Variants in CDH8 observed in about 807,000 individuals in gnomAD.
CDH8 encodes cadherin-8.
CDH8 carries 17 observed loss-of-function variants against 68.1 expected under a neutral mutation model. That is an observed-to-expected ratio of 0.25 (90% CI 0.17 to 0.37). The LOEUF is 0.37. CDH8 is among the 10% of genes least tolerant of loss of function. The pLI is 1.00. For synonymous variants in CDH8, 372 were observed against 365.1 expected, an observed-to-expected ratio of 1.02 and a Z score of -0.21; for missense variants, 763 against 999.3, an observed-to-expected ratio of 0.76 and a Z score of 3.19.
In CDH8 at chr16:61,649,234, T is replaced by C. The variant is rs1963269135; in HGVS notation, c.*4374A>G. The C allele has an allele frequency of 6.6e-6, 1 of 151,956 alleles. No homozygotes were observed. Among genetic ancestry groups the C allele is most frequent in the East Asian group, 1.9e-4 (1 of 5,168 alleles). 9.4% of individuals were successfully genotyped at this position (151,956 alleles called of 1,614,324 possible). A position where few individuals can be genotyped will look rare whatever the true frequency, so the allele number is the denominator to read the frequency against. ...CCAGGTATTATGAGCCATTATTCTG[T>C]TCACAAATAAAAAGCTGCTTTTAAA... On this transcript the variant is annotated 3_prime_UTR_variant, in exon 12 of 12. Transcript: ENST00000577390.
intron 3 of CDH8, among the ~76,000 whole-genome samples, chr16:61,881,909 T>C (rs141122384): frequency 6.6e-6 from 1 of 152,210 alleles, no homozygotes; most frequent in African/African-American, 2.4e-5. Context: ...TAAGCTGTCC[T>C]AAGCCTAATC....
At chr16:61,981,472 C>T (rs1428967265) in intron 2 of CDH8, among the ~76,000 whole-genome samples, 1 of 152,092 alleles carries the variant, frequency 6.6e-6, no homozygotes, top group Admixed American at 6.5e-5. Context: ...CTATACTCAC[C>T]ATCAATTAAA....
intron 7 of CDH8, among the ~76,000 whole-genome samples, chr16:61,795,693 G>A (rs1961481481): frequency 6.6e-6 from 1 of 152,096 alleles, no homozygotes; most frequent in African/African-American, 2.4e-5. Context: ...CTAGTCACAT[G>A]TTTTAGTAGC....
chr16:61,968,040 C>A (rs780191367), intron 2 of CDH8, among the ~76,000 whole-genome samples: 25 of 152,110 alleles, frequency 1.6e-4, no homozygotes, highest in Non-Finnish European at 3.1e-4. Flanking sequence ...GAACTCCTGA[C>A]CTTGGGCGAT....
chr16:61,739,895 A>G (rs1380594057), intron 8 of CDH8, among the ~76,000 whole-genome samples: 1 of 94,762 alleles, frequency 1.1e-5, no homozygotes. Context: ...ATATATATAT[A>G]TATATATATA....
intron 3 of CDH8, among the ~76,000 whole-genome samples, chr16:61,890,466 A>C (rs1307348157): frequency 6.6e-6 from 1 of 152,094 alleles, no homozygotes; most frequent in Non-Finnish European, 1.5e-5. Flanking sequence ...TAATCTTAAT[A>C]AATCTGAAAC....
At chr16:61,916,829 G>A (rs1306614798) in intron 2 of CDH8, among the ~76,000 whole-genome samples, 4 of 152,096 alleles carry the variant, frequency 2.6e-5, no homozygotes, top group Admixed American at 2.0e-4. Flanking sequence ...TGGGGGACAC[G>A]TTATTAATGT....
intron 2 of CDH8, among the ~76,000 whole-genome samples, chr16:61,924,115 C>G (rs1964419027): frequency 6.6e-6 from 1 of 151,750 alleles, no homozygotes; most frequent in South Asian, 2.1e-4. Flanking sequence ...AAAGTTATTC[C>G]TTTCTGTGGT....
chr16:61,784,452 C>T, intron 8 of CDH8, among the ~76,000 whole-genome samples: 1 of 149,896 alleles, frequency 6.7e-6, no homozygotes, highest in East Asian at 1.9e-4. Context: ...CCTGAGTGAC[C>T]TACAAAGAGA....
At chr16:61,820,819 C>A in intron 6 of CDH8, 107 bp downstream of exon 6, 1 of 877,992 alleles carries the variant, frequency 1.1e-6, no homozygotes. Context: ...AAGCTAAACA[C>A]CTACCAGCTG....
chr16:61,998,187 G>C lies in CDH8; in HGVS notation c.252+22965C>G, dbSNP rs527335771. Among the ~76,000 whole-genome samples, 5 of 152,258 alleles carry C rather than the reference G, an allele frequency of 3.3e-5. No homozygotes were observed. The East Asian group carries it at 9.6e-4, about 29-fold the overall frequency. ...ATGCATGAAAAGATAATTAGGAAAT[G>C]ATAAAATGAATGAAGCAAAATTAAA... On this transcript the variant is annotated intron_variant, in intron 2 of 11. Coordinates refer to ENST00000577390, the MANE Select transcript of CDH8 (RefSeq NM_001796.5).
chr16:61,726,712 T>C (rs979933400), intron 9 of CDH8: 10 of 297,396 alleles, frequency 3.4e-5, no homozygotes, highest in Non-Finnish European at 4.9e-5. Flanking sequence ...TTGGTATTCA[T>C]ATGTTTGCTG....
At chr16:61,762,355 TAG>T (rs1320046274) in intron 8 of CDH8, among the ~76,000 whole-genome samples, 1 of 152,152 alleles carries the variant, frequency 6.6e-6, no homozygotes, top group Non-Finnish European at 1.5e-5. Context: ...AAAGGATAAA[TAG>T]AGTCTCTCTG....
At chr16:61,888,744 A>G (rs761905360) in intron 3 of CDH8, among the ~76,000 whole-genome samples, 1 of 152,180 alleles carries the variant, frequency 6.6e-6, no homozygotes, top group Admixed American at 6.5e-5. Flanking sequence ...AGCTGATAAC[A>G]TCACTTTGGA....
At chr16:61,944,053 G>A (rs1313587282) in intron 2 of CDH8, among the ~76,000 whole-genome samples, 1 of 152,180 alleles carries the variant, frequency 6.6e-6, no homozygotes, top group Non-Finnish European at 1.5e-5. Context: ...CAGCTTCCCT[G>A]AATAGGAGTT....
chr16:61,994,757 A>G (rs1180378188), intron 2 of CDH8, among the ~76,000 whole-genome samples: 3 of 57,592 alleles, frequency 5.2e-5, no homozygotes, highest in African/African-American at 1.2e-4. Flanking sequence ...GCTTTAACAA[A>G]TCCTCCTACA....
intron 2 of CDH8, among the ~76,000 whole-genome samples, chr16:61,972,569 T>TGGTG (rs1555525994): frequency 2.0e-5 from 2 of 98,126 alleles, no homozygotes; most frequent in Non-Finnish European, 4.1e-5. Flanking sequence ...GAACACATTG[T>TGGTG]GGGTGTGTGT....
At chr16:61,981,227 A>G (rs1965523509) in intron 2 of CDH8, among the ~76,000 whole-genome samples, 1 of 152,226 alleles carries the variant, frequency 6.6e-6, no homozygotes, top group South Asian at 2.1e-4. Flanking sequence ...AATTGTTCTA[A>G]TAATGAATGT....
intron 1 of CDH8, among the ~76,000 whole-genome samples, chr16:62,025,078 G>A (rs571510650): frequency 3.9e-5 from 6 of 152,156 alleles, no homozygotes; most frequent in Non-Finnish European, 7.3e-5. Context: ...CATATTGGCA[G>A]CATTAAAGAA....
Sources: allele counts gnomAD v4.1 joint callset (sites outside exome capture counted in the v4.1 genomes callset), GRCh38; gene constraint gnomAD v4.1.1; transcripts MANE v1.5; gene names NCBI Gene and HGNC (gene_info 2026-07-23, HGNC 2026-07-21).